Variants in SPIDR observed in about 807,000 individuals in gnomAD.
SPIDR encodes DNA repair-scaffolding protein.
In SPIDR, 93 loss-of-function variants were observed where a neutral mutation model predicts 104.6. The observed-to-expected ratio is 0.89, with a 90% CI of 0.75 to 1.06. The LOEUF is 1.06. Among genes scored for constraint, SPIDR ranks in the 50% least tolerant of loss-of-function variants. The probability of loss-of-function intolerance (pLI) is 0.00; values close to 1 mark genes in which losing one functional copy is unlikely to be tolerated. For synonymous variants in SPIDR, 431 were observed against 416.9 expected (o/e 1.03, Z -0.41); for missense variants, 1,154 against 1,111.2 (o/e 1.04, Z -0.55).
intron 8 of SPIDR, among the ~76,000 whole-genome samples, chr8:47,552,943 C>T (rs1252893151): frequency 6.6e-6 from 1 of 152,126 alleles, no homozygotes; most frequent in Non-Finnish European, 1.5e-5. Flanking sequence ...GGAGCTCTTG[C>T]ATGGCAGGCC....
chr8:47,509,091 T>C (rs1430365832), intron 8 of SPIDR, among the ~76,000 whole-genome samples: 2 of 152,162 alleles, frequency 1.3e-5, no homozygotes, highest in Admixed American at 6.5e-5. Context: ...CAGATCAGAT[T>C]AGAGTGTCTG....
At chr8:47,481,402 C>G (rs553199476) in intron 8 of SPIDR, among the ~76,000 whole-genome samples, 1 of 152,050 alleles carries the variant, frequency 6.6e-6, no homozygotes, top group East Asian at 1.9e-4. Context: ...ATTGGGAGGC[C>G]GAGGTGGGCA....
At chr8:47,432,520 G>A (rs1156821398) in intron 7 of SPIDR, among the ~76,000 whole-genome samples, 2 of 152,110 alleles carry the variant, frequency 1.3e-5, no homozygotes, top group African/African-American at 4.8e-5. Context: ...TACTGATCCA[G>A]GTGCAACACA....
chr8:47,659,422 T>G lies in SPIDR; in HGVS notation c.1545-14379T>G, dbSNP rs1318121783. Among the ~76,000 whole-genome samples the G allele has an allele frequency of 2.0e-5, 3 of 152,266 alleles. No individual in the cohort carries two copies. In the East Asian group the frequency reaches 5.8e-4, roughly 29 times the overall value. ...GATTTTTAAATGAATAAAAAACATT[T>G]CTGTGCAGTAGAAGTCGTGCTAACA... is the stretch of plus-strand genomic sequence containing the variant. On this transcript the variant is annotated intron_variant, in intron 10 of 19. Transcript: ENST00000297423.
intron 8 of SPIDR, among the ~76,000 whole-genome samples, chr8:47,557,261 G>A (rs2091432885): frequency 6.6e-6 from 1 of 152,158 alleles, no homozygotes; most frequent in African/African-American, 2.4e-5. Context: ...TGGAAAAAAG[G>A]GGGTGACCTT....
intron 5 of SPIDR, among the ~76,000 whole-genome samples, chr8:47,300,017 G>T (rs1478025642): frequency 6.6e-6 from 1 of 152,210 alleles, no homozygotes; most frequent in African/African-American, 2.4e-5. Flanking sequence ...AATAGTTTCA[G>T]AAGGAATGGT....
At chr8:47,333,382 A>C (rs2049109707) in intron 5 of SPIDR, among the ~76,000 whole-genome samples, 1 of 152,100 alleles carries the variant, frequency 6.6e-6, no homozygotes, top group Admixed American at 6.6e-5. Flanking sequence ...GCTCACTGCA[A>C]CCTCGGCCTC....
chr8:47,556,539 TAGA>T lies in SPIDR; in HGVS notation c.1098-39269_1098-39267del, dbSNP rs532792229. Reference sequence around the variant, plus strand: ...AAATCTACAGGTGGATATTTAGGAGTAGAAGTTGTCACAGGTCATGGGATGAGG... The same window carrying T: ...AAATCTACAGGTGGATATTTAGGAGTAGTTGTCACAGGTCATGGGATGAGG... On this transcript the variant is annotated intron_variant, in intron 8 of 19. Coordinates refer to ENST00000297423, the MANE Select transcript of SPIDR (RefSeq NM_001080394.4). Among the ~76,000 whole-genome samples the T allele has an allele frequency of 4.5e-4, 68 of 152,274 alleles. No homozygotes were observed. In the South Asian group the frequency reaches 0.014, roughly 31 times the overall value.
At chr8:47,331,965 CTTTTTTTTTTTTTTTTTTTTTCTCTTTT>C (rs1220114004) in intron 5 of SPIDR, among the ~76,000 whole-genome samples, 346 of 32,716 alleles carry the variant, frequency 0.011, no homozygotes, top group South Asian at 0.077. Flanking sequence ...TTTTTTTAAA[CTTTTTTTTTTTTTTTTTTTTTCTCTTTT>C]TTTTTTTTTT....
At chr8:47,725,900 T>C (rs533086579) in intron 16 of SPIDR, among the ~76,000 whole-genome samples, 1 of 152,390 alleles carries the variant, frequency 6.6e-6, no homozygotes, top group Admixed American at 6.5e-5. Flanking sequence ...AAAGGAACTT[T>C]GGCTGGTAGC....
chr8:47,559,678 G>A (rs1309969432), intron 8 of SPIDR, among the ~76,000 whole-genome samples: 2 of 152,180 alleles, frequency 1.3e-5, no homozygotes, highest in African/African-American at 2.4e-5. Flanking sequence ...TGTTGGAGTG[G>A]GTTTAAAGAT....
chr8:47,357,360 G>A (rs1554626414), intron 5 of SPIDR, among the ~76,000 whole-genome samples: 1 of 152,100 alleles, frequency 6.6e-6, no homozygotes, highest in Non-Finnish European at 1.5e-5. Context: ...GTCAGAACTC[G>A]CTCTGCTTAT....
intron 8 of SPIDR, among the ~76,000 whole-genome samples, chr8:47,560,713 A>G (rs972333179): frequency 1.3e-5 from 2 of 152,156 alleles, no homozygotes; most frequent in African/African-American, 4.8e-5. Flanking sequence ...ATAATCAGAA[A>G]ATACTTCTTT....
At chr8:47,383,738 G>A (rs2059582577) in intron 5 of SPIDR, among the ~76,000 whole-genome samples, 1 of 152,136 alleles carries the variant, frequency 6.6e-6, no homozygotes, top group African/African-American at 2.4e-5. Context: ...TCCACCTGCA[G>A]GCACACACTT....
At chr8:47,444,211 GA>G (rs1294843249) in intron 8 of SPIDR, among the ~76,000 whole-genome samples, 1 of 152,092 alleles carries the variant, frequency 6.6e-6, no homozygotes, top group Non-Finnish European at 1.5e-5. Flanking sequence ...AGATATACTA[GA>G]AAAAACAAAT....
chr8:47,489,587 T>G (rs1564119756), intron 8 of SPIDR, among the ~76,000 whole-genome samples: 1 of 152,076 alleles, frequency 6.6e-6, no homozygotes, highest in Non-Finnish European at 1.5e-5. Flanking sequence ...CATCACACTA[T>G]TTGACTTTAA....
At chr8:47,502,942 C>T (rs1349229656) in intron 8 of SPIDR, among the ~76,000 whole-genome samples, 2 of 152,130 alleles carry the variant, frequency 1.3e-5, no homozygotes, top group South Asian at 2.1e-4. Flanking sequence ...TGTAGTTGAG[C>T]AGTTTTGAGT....
intron 7 of SPIDR, among the ~76,000 whole-genome samples, chr8:47,420,761 C>A (rs1028569408): frequency 1.9e-4 from 29 of 152,288 alleles, no homozygotes; most frequent in Admixed American, 1.4e-3. Flanking sequence ...ACCAGTTATT[C>A]CTTTTCATGT....
chr8:47,447,752 C>G (rs1239168116), intron 8 of SPIDR, among the ~76,000 whole-genome samples: 1 of 152,154 alleles, frequency 6.6e-6, no homozygotes, highest in Admixed American at 6.5e-5. Flanking sequence ...TTATTGTTCT[C>G]TAAGAAATTG....
Sources: allele counts gnomAD v4.1 joint callset (sites outside exome capture counted in the v4.1 genomes callset), GRCh38; gene constraint gnomAD v4.1.1; transcripts MANE v1.5; gene names NCBI Gene and HGNC (gene_info 2026-07-23, HGNC 2026-07-21).